The following FRK variants were observed in gnomAD, a reference collection of about 807,000 sequenced individuals.
FRK encodes the protein tyrosine-protein kinase FRK.
In FRK, 51 loss-of-function variants were observed where a neutral mutation model predicts 56.4. The observed-to-expected ratio is 0.90, with a 90% CI of 0.72 to 1.14. The LOEUF (loss-of-function observed/expected upper bound fraction) is 1.14, where lower values mean the gene tolerates loss of function less well. FRK is among the 50% of genes most tolerant of loss of function. FRK has a pLI of 0.00. For synonymous variants in FRK, 245 were observed against 217.9 expected, an observed-to-expected ratio of 1.12 and a Z score of -1.10; for missense variants, 570 against 601.4, an observed-to-expected ratio of 0.95 and a Z score of 0.55.
At chr6:116,078,661 G>A in the FRK span, among the ~76,000 whole-genome samples, 15 of 152,174 alleles carry the variant, frequency 9.9e-5, no homozygotes, top group Non-Finnish European at 2.2e-4. Flanking sequence ...TCAGATGCGT[G>A]CTCATGTATT....
intron 5 of FRK, among the ~76,000 whole-genome samples, chr6:115,944,910 T>C (rs1238110218): frequency 1.3e-5 from 2 of 152,058 alleles, no homozygotes; most frequent in African/African-American, 4.8e-5. Context: ...CCAGTATATG[T>C]TGTTCCCCTC....
chr6:116,059,089 C>T lies in FRK; in HGVS notation c.344+879G>A, dbSNP rs80328154. 2.7e-3 allele frequency among the ~76,000 whole-genome samples: 415 copies of T among 152,202 alleles called. 2 individuals carry two copies. The highest frequency in any genetic ancestry group is 9.7e-3 in the African/African-American group (401 of 41,538). On this transcript the variant is annotated intron_variant, in intron 1 of 7. Coordinates refer to ENST00000606080, the MANE Select transcript of FRK (RefSeq NM_002031.3). ...GTTTTATCCACTTTGTATTCAGTCA[C>T]TACTAGAATAATCTCCTTTACCCTC...
chr6:115,953,387 C>T (rs1772861349), intron 5 of FRK, among the ~76,000 whole-genome samples: 1 of 151,368 alleles, frequency 6.6e-6, no homozygotes, highest in South Asian at 2.1e-4. Context: ...GACGGGGTTT[C>T]ACCGTTTTAG....
chr6:116,091,979 G>A, the FRK span, among the ~76,000 whole-genome samples: 3 of 152,174 alleles, frequency 2.0e-5, no homozygotes, highest in East Asian at 1.9e-4. Context: ...CCTGACCCTC[G>A]CCTCTTGGGT....
intron 1 of FRK, among the ~76,000 whole-genome samples, chr6:116,053,438 T>G (rs1456493012): frequency 1.3e-5 from 2 of 152,144 alleles, no homozygotes; most frequent in Admixed American, 1.3e-4. Context: ...TAGTCCTGCT[T>G]TACTGTATAG....
chr6:116,008,146 A>G (rs2114705480), intron 1 of FRK, among the ~76,000 whole-genome samples: 1 of 152,312 alleles, frequency 6.6e-6, no homozygotes, highest in African/African-American at 2.4e-5. Flanking sequence ...TGGCTAATCA[A>G]GTCTATAAAT....
intron 2 of FRK, among the ~76,000 whole-genome samples, chr6:115,994,505 C>G (rs968361293): frequency 1.3e-5 from 2 of 152,070 alleles, no homozygotes; most frequent in African/African-American, 4.8e-5. Flanking sequence ...TTAGCAATGT[C>G]TAACAAATAT....
At chr6:116,051,681 A>T (rs1042156772) in intron 1 of FRK, among the ~76,000 whole-genome samples, 9 of 152,122 alleles carry the variant, frequency 5.9e-5, no homozygotes, top group Non-Finnish European at 1.2e-4. Context: ...CTATATAACT[A>T]CCTTCCCTAG....
the FRK span, among the ~76,000 whole-genome samples, chr6:116,070,114 G>A: frequency 1.0e-3 from 153 of 147,428 alleles, no homozygotes; most frequent in African/African-American, 3.6e-3. Context: ...ATTTTAGAAT[G>A]AAGGAAACAG....
chr6:116,084,289 C>T, the FRK span, among the ~76,000 whole-genome samples: 4 of 151,980 alleles, frequency 2.6e-5, no homozygotes, highest in African/African-American at 9.7e-5. Context: ...CACAAGTAAC[C>T]CCAAAACTCG....
chr6:116,013,588 A>T (rs1775547702), intron 1 of FRK, among the ~76,000 whole-genome samples: 1 of 152,312 alleles, frequency 6.6e-6, no homozygotes, highest in East Asian at 1.9e-4. Context: ...AAGTAAATGC[A>T]CTTGATCTTA....
At chr6:116,021,250 C>A (rs930654779) in intron 1 of FRK, among the ~76,000 whole-genome samples, 3 of 150,956 alleles carry the variant, frequency 2.0e-5, no homozygotes, top group Non-Finnish European at 3.0e-5. Context: ...CAAACGTAGA[C>A]CAGTATAAAA....
At chr6:116,038,621 C>T in intron 1 of FRK, 2 of 271,314 alleles carry the variant, frequency 7.4e-6, no homozygotes, top group Non-Finnish European at 1.5e-5. Flanking sequence ...AGCTTTTGCC[C>T]ATACTAATCT....
chr6:116,077,275 C>T, the FRK span, among the ~76,000 whole-genome samples: 28 of 152,272 alleles, frequency 1.8e-4, no homozygotes, highest in African/African-American at 5.3e-4. Context: ...CATCCAATGC[C>T]GAAGGCTTCA....
chr6:116,095,478 A>T, the FRK span, among the ~76,000 whole-genome samples: 2,015 of 152,322 alleles, frequency 0.013, 35 homozygotes, highest in African/African-American at 0.046. Flanking sequence ...AACAAAAGTA[A>T]AGTTTGCTAA....
At chr6:115,983,798 C>T (rs1385977258) in intron 2 of FRK, among the ~76,000 whole-genome samples, 3 of 152,112 alleles carry the variant, frequency 2.0e-5, no homozygotes, top group Non-Finnish European at 2.9e-5. Context: ...TCTCCAGCCT[C>T]ACTGTCCATC....
At chr6:116,008,486 T>C (rs932503606) in intron 1 of FRK, among the ~76,000 whole-genome samples, 2 of 152,264 alleles carry the variant, frequency 1.3e-5, no homozygotes, top group African/African-American at 4.8e-5. Flanking sequence ...CTGCATGTAG[T>C]GGCATTTATA....
chr6:116,040,150 T>C (rs1776660106), intron 1 of FRK, among the ~76,000 whole-genome samples: 1 of 152,162 alleles, frequency 6.6e-6, no homozygotes, highest in South Asian at 2.1e-4. Flanking sequence ...TGTTTTAATG[T>C]CTTTCTTATT....
intron 4 of FRK, among the ~76,000 whole-genome samples, chr6:115,965,721 T>TA (rs1255236308): frequency 3.7e-4 from 2 of 5,470 alleles, no homozygotes; most frequent in Non-Finnish European, 7.6e-4. Context: ...TATGCAGCCA[T>TA]AAAAAATGAT....
Sources: allele counts gnomAD v4.1 joint callset (sites outside exome capture counted in the v4.1 genomes callset), GRCh38; gene constraint gnomAD v4.1.1; transcripts MANE v1.5; gene names NCBI Gene and HGNC (gene_info 2026-07-23, HGNC 2026-07-21).